Variants in NTM observed in about 807,000 individuals in gnomAD.
NTM encodes IgLON family member 2.
A neutral mutation model predicts 42.1 loss-of-function variants in NTM; 13 were observed. The ratio of observed to expected loss-of-function variants is 0.31; its 90% CI spans 0.20 to 0.49. The LOEUF is 0.49. Ranked by LOEUF, NTM falls within the 20% of genes least tolerant of loss-of-function variation. The pLI, the probability that NTM is intolerant of heterozygous loss-of-function variation, is 0.99. For missense variants in NTM, 373 were observed against 452.8 expected (o/e 0.82, Z 1.60); for synonymous variants, 187 against 179.2 (o/e 1.04, Z -0.35).
chr11:131,870,865 T>C (rs1318457821), intron 1 of NTM, among the ~76,000 whole-genome samples: 1 of 152,116 alleles, frequency 6.6e-6, no homozygotes, highest in Non-Finnish European at 1.5e-5. Context: ...TGCAACATAT[T>C]TGAGATGAAG....
At chr11:132,149,745 G>A (rs1196429993) in intron 3 of NTM, among the ~76,000 whole-genome samples, 1 of 152,162 alleles carries the variant, frequency 6.6e-6, no homozygotes, top group African/African-American at 2.4e-5. Context: ...AGGGCATCCT[G>A]GGGGAGGAGG....
intron 1 of NTM, among the ~76,000 whole-genome samples, chr11:131,514,570 ATTTAT>A (rs1555137863): frequency 6.6e-6 from 1 of 151,386 alleles, no homozygotes; most frequent in Non-Finnish European, 1.5e-5. Flanking sequence ...TTGTTTTGTG[ATTTAT>A]TTATTTATTT....
chr11:131,882,550 G>A (rs569576418), intron 1 of NTM, among the ~76,000 whole-genome samples: 9 of 152,266 alleles, frequency 5.9e-5, no homozygotes, highest in East Asian at 3.9e-4. Context: ...AAAATTAACC[G>A]TCACAACATG....
At chr11:131,670,051 T>C (rs2069843184) in intron 1 of NTM, among the ~76,000 whole-genome samples, 1 of 152,200 alleles carries the variant, frequency 6.6e-6, no homozygotes, top group African/African-American at 2.4e-5. Flanking sequence ...CTGGCAACTC[T>C]TGGTAATGAG....
chr11:131,526,362 G>A (rs760798182), intron 1 of NTM, among the ~76,000 whole-genome samples: 3 of 152,218 alleles, frequency 2.0e-5, no homozygotes, highest in Non-Finnish European at 4.4e-5. Context: ...CAGTAGGACA[G>A]GTCAGGTGTG....
chr11:131,374,742 T>G (rs1376299662), intron 1 of NTM, among the ~76,000 whole-genome samples: 1 of 152,126 alleles, frequency 6.6e-6, no homozygotes, highest in East Asian at 1.9e-4. Flanking sequence ...TAGCCAAAAC[T>G]TGTCCCTTGG....
intron 1 of NTM, among the ~76,000 whole-genome samples, chr11:131,810,928 C>G (rs2092706811): frequency 6.6e-6 from 1 of 152,126 alleles, no homozygotes. Context: ...TTGCAGTCAG[C>G]TTATGGTGTG....
rs192372139 is a variant in NTM at position 131,495,681 on chromosome 11, T to A, written c.82+124793T>A. 1.4e-3 allele frequency among the ~76,000 whole-genome samples: 210 copies of A among 152,016 alleles called. 1 individual carries two copies. The highest frequency in any genetic ancestry group is 5.0e-3 in the African/African-American group (206 of 41,480). On this transcript the variant is annotated intron_variant, in intron 1 of 8. Transcript: ENST00000683400. ...GAAACAGGGTTGAGCAGGGTGTGGG[T>A]TGCTCAGGGCCTCCAAGGCCCAGGG...
chr11:131,456,650 A>G (rs1416836517), intron 1 of NTM, among the ~76,000 whole-genome samples: 1 of 152,168 alleles, frequency 6.6e-6, no homozygotes, highest in Non-Finnish European at 1.5e-5. Flanking sequence ...GGAAACCTTG[A>G]TATCATGAAT....
rs910123560 is a variant in NTM, at chr11:132,244,161, G to A, written c.526+32014G>A. Among the ~76,000 whole-genome samples the A allele has an allele frequency of 2.6e-5, 4 of 152,290 alleles. No individual in the cohort carries two copies. The South Asian group carries it at 6.2e-4, about 24-fold the overall frequency. ...TGCAGCCAGTGACCCTAAGGCAGCCGCTGATCAGTGCTCAGTGTAGAAGGG... is the reference window on the plus strand; with the variant it reads ...TGCAGCCAGTGACCCTAAGGCAGCCACTGATCAGTGCTCAGTGTAGAAGGG... On this transcript the variant is annotated intron_variant, in intron 4 of 8. Transcript: ENST00000683400.
At chr11:132,150,785 C>T (rs1265100607) in intron 3 of NTM, among the ~76,000 whole-genome samples, 3 of 152,032 alleles carry the variant, frequency 2.0e-5, no homozygotes, top group African/African-American at 7.2e-5. Context: ...GATGACTCCA[C>T]CAGGACACTG....
chr11:132,317,691 G>GTCAGTATCTTCCTTGCTTTATGTTTT, intron 7 of NTM: 1 of 1,303,288 alleles, frequency 7.7e-7, no homozygotes, highest in Non-Finnish European at 1.0e-6. Context: ...TTGTTGCAAG[G>GTCAGTATCTTCCTTGCTTTATGTTTT]TCAGTATCTT....
intron 2 of NTM, among the ~76,000 whole-genome samples, chr11:132,040,258 T>G (rs2077015502): frequency 6.6e-6 from 1 of 152,166 alleles, no homozygotes. Context: ...ACTTTAAATA[T>G]TATAGTTGCT....
intron 1 of NTM, among the ~76,000 whole-genome samples, chr11:131,592,943 C>A (rs915164130): frequency 1.3e-5 from 2 of 152,152 alleles, no homozygotes; most frequent in African/African-American, 4.8e-5. Flanking sequence ...AATTGCAGTT[C>A]TCCTTGTTTA....
At chr11:132,262,596 G>T (rs1326595995) in intron 4 of NTM, among the ~76,000 whole-genome samples, 5 of 152,048 alleles carry the variant, frequency 3.3e-5, no homozygotes, top group African/African-American at 4.8e-5. Context: ...TTCTTACGAG[G>T]ACTTTAATTC....
chr11:131,525,334 G>C (rs573849407), intron 1 of NTM, among the ~76,000 whole-genome samples: 69 of 152,308 alleles, frequency 4.5e-4, no homozygotes, highest in Non-Finnish European at 7.3e-4. Flanking sequence ...ATCGCATCCT[G>C]TACATTGGAA....
chr11:131,966,131 A>T (rs1163264538), intron 2 of NTM, among the ~76,000 whole-genome samples: 1 of 152,220 alleles, frequency 6.6e-6, no homozygotes, highest in African/African-American at 2.4e-5. Flanking sequence ...TGATAAAAAA[A>T]TGACAAAAAT....
chr11:131,711,684 A>G lies in NTM; in HGVS notation c.83-199880A>G, dbSNP rs1403405544. ...CTGCTATAAAGACACATGCACACATATGTTTATTGCGGCACTATTCACAAT... is the reference window on the plus strand; with the variant it reads ...CTGCTATAAAGACACATGCACACATGTGTTTATTGCGGCACTATTCACAAT... On this transcript the variant is annotated intron_variant, in intron 1 of 8. Coordinates refer to ENST00000683400, the MANE Select transcript of NTM (RefSeq NM_001352005.2). 3.3e-5 allele frequency among the ~76,000 whole-genome samples: 5 copies of G among 151,996 alleles called. No individual in the cohort carries two copies. The East Asian group carries it at 9.7e-4, about 29-fold the overall frequency.
At chr11:132,261,702 G>A (rs1259146446) in intron 4 of NTM, among the ~76,000 whole-genome samples, 1 of 152,178 alleles carries the variant, frequency 6.6e-6, no homozygotes, top group Middle Eastern at 3.2e-3. Flanking sequence ...AGAATAGATA[G>A]GTTGCAGGTT....
Sources: allele counts gnomAD v4.1 joint callset (sites outside exome capture counted in the v4.1 genomes callset), GRCh38; gene constraint gnomAD v4.1.1; transcripts MANE v1.5; gene names NCBI Gene and HGNC (gene_info 2026-07-23, HGNC 2026-07-21).